Variants in ELFN1 observed in about 807,000 individuals in gnomAD.
The protein encoded by ELFN1 is extracellular leucine rich repeat and fibronectin type III domain containing 1.
Under a neutral mutation model 7.6 loss-of-function variants are expected in ELFN1, and 6 were observed. The ratio of observed to expected loss-of-function variants is 0.79; its 90% CI spans 0.43 to 1.56. ELFN1 has a LOEUF of 1.56. Ranked by LOEUF, ELFN1 falls within the 40% of genes most tolerant of loss-of-function variation. ELFN1 has a pLI of 0.01. For synonymous variants in ELFN1, 657 were observed against 588.1 expected (o/e 1.12, Z -1.70); for missense variants, 1,169 against 1,232.2 (o/e 0.95, Z 0.77).
At chr7:1,697,286 C>T (rs1779337234) in intron 2 of ELFN1, among the ~76,000 whole-genome samples, 1 of 152,154 alleles carries the variant, frequency 6.6e-6, no homozygotes. Flanking sequence ...GGCCTGAGAC[C>T]CCTGCTCGGC....
chr7:1,741,355 C>G (rs965660467), intron 3 of ELFN1, among the ~76,000 whole-genome samples: 2 of 152,202 alleles, frequency 1.3e-5, no homozygotes, highest in Non-Finnish European at 2.9e-5. Context: ...ACTCCCTGAG[C>G]CCCTGCAGGC....
At chr7:1,668,679 C>T (rs1343714278), upstream of ELFN1, among the ~76,000 whole-genome samples, 3 of 152,230 alleles carry the variant, frequency 2.0e-5, no homozygotes, top group Non-Finnish European at 2.9e-5. Flanking sequence ...CGCTCACCGC[C>T]GGCCTCGTTC....
At chr7:1,701,096 T>C (rs868171841) in intron 2 of ELFN1, among the ~76,000 whole-genome samples, 1 of 151,760 alleles carries the variant, frequency 6.6e-6, no homozygotes. Flanking sequence ...TGTGCGCGTG[T>C]GTGTGCGCAT....
chr7:1,717,946 T>C (rs1779885049), intron 3 of ELFN1, among the ~76,000 whole-genome samples: 1 of 152,126 alleles, frequency 6.6e-6, no homozygotes, highest in South Asian at 2.1e-4. Flanking sequence ...CTCTCATCTG[T>C]ATTAGGTAGG....
In ELFN1 at chr7:1,745,543, G is replaced by T; in HGVS notation, c.947G>T (p.Arg316Leu). 1.9e-6 allele frequency: 3 copies of T among 1,548,542 alleles called. No homozygotes were observed. Among genetic ancestry groups the T allele is most frequent in the African/African-American group, 1.4e-5 (1 of 73,160 alleles). The change falls in exon 4 of 4, where the codon CGC (arginine) becomes CTC (leucine). Residue 316 changes from arginine to leucine, a missense_variant. Arg to Leu is a moderately radical substitution (Grantham distance 102). Around this residue, in one of 2 missense-constraint regions of ELFN1, gnomAD observed 914 missense variants for 872.6 expected, o/e 1.05. Coordinates refer to ENST00000424383, the MANE Select transcript of ELFN1 (RefSeq NM_001128636.4). ...LPTLATQAEA[R>L]PLIKVKQLTQ... The stretch of plus-strand genomic sequence containing the variant: ...ACGCTGGCCACGCAGGCCGAGGCCC[G>T]CCCCCTCATCAAGGTCAAGCAGCTC...
chr7:1,704,234 G>A (rs1043238550), intron 2 of ELFN1, among the ~76,000 whole-genome samples: 1 of 152,172 alleles, frequency 6.6e-6, no homozygotes, highest in Non-Finnish European at 1.5e-5. Context: ...CTGTGAGTGG[G>A]CTGGTGGGTG....
rs1780418339 is a variant in ELFN1 at position 1,735,427 on chromosome 7, T to C, written c.-293-8877T>C. On this transcript the variant is annotated intron_variant, in intron 3 of 3. Coordinates refer to ENST00000424383, the MANE Select transcript of ELFN1 (RefSeq NM_001128636.4). The surrounding 1 kb of genome is among the most constrained non-coding windows in gnomAD (Gnocchi z 5.9). ...GTGCAGGCAGCAGTCCCCTCCGTTCTACTCCCCAGCCCGGCCTCCTGGAGG... is the reference window on the plus strand; with the variant it reads ...GTGCAGGCAGCAGTCCCCTCCGTTCCACTCCCCAGCCCGGCCTCCTGGAGG... 6.6e-6 allele frequency among the ~76,000 whole-genome samples: 1 copy of C among 152,002 alleles called. No homozygotes were observed. The highest frequency in any genetic ancestry group is 1.5e-5 in the Non-Finnish European group (1 of 67,970).
intron 3 of ELFN1, among the ~76,000 whole-genome samples, chr7:1,736,886 G>T (rs1780463427): frequency 6.6e-6 from 1 of 152,080 alleles, no homozygotes; most frequent in Admixed American, 6.5e-5. Context: ...TTCTCAGGGA[G>T]CAATGCTGCA....
At chr7:1,712,919 T>G (rs1779705167) in intron 3 of ELFN1, among the ~76,000 whole-genome samples, 1 of 152,214 alleles carries the variant, frequency 6.6e-6, no homozygotes, top group Non-Finnish European at 1.5e-5. Flanking sequence ...AGGGAAGCGT[T>G]CAGTGGGATG....
Position 1,739,781 on chromosome 7 carries a change from C to T in ELFN1, c.-293-4523C>T, listed in dbSNP as rs974839864. ...TGGGCCCTGGCAGGGCAGAGGTCAC[C>T]GGTGGCCTTGGTGAGAGCGGCTCAG... is the stretch of plus-strand genomic sequence containing the variant. On this transcript the variant is annotated intron_variant, in intron 3 of 3. Coordinates refer to ENST00000424383, the MANE Select transcript of ELFN1 (RefSeq NM_001128636.4). The surrounding 1 kb of genome is among the most constrained non-coding windows in gnomAD (Gnocchi z 4.6). Among the ~76,000 whole-genome samples the T allele has an allele frequency of 5.9e-5, 9 of 152,068 alleles. No individual in the cohort carries two copies. Among genetic ancestry groups the T allele is most frequent in the Non-Finnish European group, 1.0e-4 (7 of 68,010 alleles).
intron 1 of ELFN1, among the ~76,000 whole-genome samples, chr7:1,687,412 G>C (rs976946868): frequency 6.6e-6 from 1 of 151,754 alleles, no homozygotes; most frequent in Non-Finnish European, 1.5e-5. Context: ...GTACCACAAA[G>C]TGAAATTTAT....
At chr7:1,690,877 G>T (rs1474117569) in intron 2 of ELFN1, among the ~76,000 whole-genome samples, 3 of 152,118 alleles carry the variant, frequency 2.0e-5, no homozygotes, top group Non-Finnish European at 2.9e-5. Context: ...AAGGATATAT[G>T]GATGATGAAT....
At chr7:1,728,841 C>T (rs1780262922) in intron 3 of ELFN1, among the ~76,000 whole-genome samples, 1 of 152,216 alleles carries the variant, frequency 6.6e-6, no homozygotes, top group African/African-American at 2.4e-5. Flanking sequence ...TTCACACCAG[C>T]TCCTCCGTGT....
intron 2 of ELFN1, among the ~76,000 whole-genome samples, chr7:1,702,160 C>T (rs535081401): frequency 6.6e-6 from 1 of 152,278 alleles, no homozygotes; most frequent in African/African-American, 2.4e-5. Context: ...TGCAGTGGCT[C>T]ACGCTTGTAA....
intron 2 of ELFN1, among the ~76,000 whole-genome samples, chr7:1,703,884 C>T (rs1779477960): frequency 6.6e-6 from 1 of 152,190 alleles, no homozygotes; most frequent in Non-Finnish European, 1.5e-5. Flanking sequence ...ACTGATGACA[C>T]CTGTCCTGTA....
intron 3 of ELFN1, among the ~76,000 whole-genome samples, chr7:1,725,171 A>C (rs1780152243): frequency 6.6e-6 from 1 of 152,260 alleles, no homozygotes; most frequent in Non-Finnish European, 1.5e-5. Context: ...CTGAGACCCC[A>C]AAACCTGGTG....
chr7:1,720,840 T>G (rs974060118), intron 3 of ELFN1, among the ~76,000 whole-genome samples: 1 of 151,450 alleles, frequency 6.6e-6, no homozygotes, highest in Non-Finnish European at 1.5e-5. Context: ...TAACGATTAC[T>G]AAATAGTGAG....
upstream of ELFN1, among the ~76,000 whole-genome samples, chr7:1,670,034 G>C (rs558980547): frequency 6.6e-5 from 10 of 151,708 alleles, no homozygotes; most frequent in Non-Finnish European, 1.5e-4. This position sits in a 1 kb window ranked among gnomAD's most constrained non-coding sequence, Gnocchi z 6.4. Flanking sequence ...AGGAGAGCAG[G>C]GGGCTCGGGA....
chr7:1,672,113 C>T (rs1418895005), intron 1 of ELFN1, among the ~76,000 whole-genome samples: 6 of 152,186 alleles, frequency 3.9e-5, no homozygotes, highest in Non-Finnish European at 1.5e-5. Flanking sequence ...ACAGCAGGCT[C>T]GGCAGGCAGC....
Sources: gnomAD v4.1 joint callset for allele counts (sites outside exome capture counted in the v4.1 genomes callset) on GRCh38, gnomAD v4.1.1 for gene constraint, gnomAD v4.1.1 regional missense constraint, Gnocchi (gnomAD v3.1) non-coding constraint, MANE v1.5 for transcripts, NCBI Gene and HGNC (gene_info 2026-07-23, HGNC 2026-07-21) for gene names.